PSMF1: variants seen among roughly 807,000 people sequenced by gnomAD.
PSMF1 encodes proteasome inhibitor PI31 subunit.
A neutral mutation model predicts 29.3 loss-of-function variants in PSMF1; 30 were observed. That is an observed-to-expected ratio of 1.02 (90% confidence interval 0.77 to 1.39). PSMF1 has a LOEUF of 1.39. Ranked by LOEUF, PSMF1 falls within the 40% of genes most tolerant of loss-of-function variation. PSMF1 has a pLI of 0.00. For synonymous variants in PSMF1, 134 were observed against 139.7 expected (o/e 0.96, Z 0.29); for missense variants, 344 against 357.5 (o/e 0.96, Z 0.31).
chr20:1,147,163 AT>A (rs1568476231), intron 4 of PSMF1, among the ~76,000 whole-genome samples: 6 of 134,108 alleles, frequency 4.5e-5, no homozygotes, highest in East Asian at 2.1e-4. Flanking sequence ...CATCATCATC[AT>A]CATCATCATC....
rs184601013 is a variant in PSMF1, at chr20:1,119,540, C to T, written c.129+638C>T. Among the ~76,000 whole-genome samples, 33 of 152,288 alleles carry T rather than the reference C, an allele frequency of 2.2e-4. No individual in the cohort carries two copies. In the East Asian group the frequency reaches 5.4e-3, roughly 25 times the overall value. ...GCAATCACCCCCAGAGTCGTACACA[C>T]ATACACCCTGGGTGTGAGGGTCATA... On this transcript the variant is annotated intron_variant, in intron 1 of 6. Coordinates refer to ENST00000335877, the MANE Select transcript of PSMF1 (RefSeq NM_006814.5).
rs1418792073 is a variant in PSMF1, at chr20:1,166,301, A to G, written c.*1221A>G. 2 of 1,581,782 alleles carry G rather than the reference A, an allele frequency of 1.3e-6. No individual in the cohort carries two copies. Among genetic ancestry groups the G allele is most frequent in the Admixed American group, 1.7e-5 (1 of 59,224 alleles). ...AAGAGCACGATAGAGCACCAGGCTAAGAGGCACGAGATCAAGGCGGTAGTC... is the reference window on the plus strand; with the variant it reads ...AAGAGCACGATAGAGCACCAGGCTAGGAGGCACGAGATCAAGGCGGTAGTC... On this transcript the variant is annotated 3_prime_UTR_variant, in exon 7 of 7. Coordinates refer to ENST00000335877, the MANE Select transcript of PSMF1 (RefSeq NM_006814.5).
chr20:1,164,978 T>G lies in PSMF1; in HGVS notation c.765-51T>G, dbSNP rs775963251. 6.7e-7 allele frequency: 1 copy of G among 1,494,822 alleles called. No individual in the cohort carries two copies. Among genetic ancestry groups the G allele is most frequent in the South Asian group, 1.1e-5 (1 of 88,530 alleles). The allele number at this position is 1,494,822 out of a possible 1,614,324, so 92.6% of individuals were successfully genotyped here. On this transcript the variant is annotated intron_variant, in intron 6 of 6. Coordinates refer to ENST00000335877, the MANE Select transcript of PSMF1 (RefSeq NM_006814.5). The surrounding 1 kb of genome is among the most constrained non-coding windows in gnomAD (Gnocchi z 4.1). ...AGTGCAGGGTCATGTCTGCCCATGTTCCCCTGGTCTCTCCATCACTCCAAC... is the reference window on the plus strand; with the variant it reads ...AGTGCAGGGTCATGTCTGCCCATGTGCCCCTGGTCTCTCCATCACTCCAAC...
chr20:1,148,812 T>C (rs1419079408), intron 4 of PSMF1, among the ~76,000 whole-genome samples: 5 of 152,182 alleles, frequency 3.3e-5, no homozygotes, highest in African/African-American at 1.2e-4. Flanking sequence ...GACCTCAAAC[T>C]TTATGTTCTC....
In PSMF1 at chr20:1,118,608, C is replaced by T; in HGVS notation, c.-166C>T. ...CGCTGTTGGGACTACTTCCGGCTTC[C>T]CCGCCCCGCCCCGTCCCCGGGCGTC... On this transcript the variant is annotated 5_prime_UTR_variant, in exon 1 of 7. Coordinates refer to ENST00000335877, the MANE Select transcript of PSMF1 (RefSeq NM_006814.5). 8.4e-6 allele frequency: 7 copies of T among 829,882 alleles called. No homozygotes were observed. Among genetic ancestry groups the T allele is most frequent in the Non-Finnish European group, 1.1e-5 (6 of 569,730 alleles). 51.4% of individuals were successfully genotyped at this position (829,882 alleles called of 1,614,324 possible). A position where few individuals can be genotyped will look rare whatever the true frequency, so the allele number is the denominator to read the frequency against.
At chr20:1,120,001 G>T (rs1467915494) in intron 1 of PSMF1, among the ~76,000 whole-genome samples, 1 of 151,894 alleles carries the variant, frequency 6.6e-6, no homozygotes, top group Non-Finnish European at 1.5e-5. Flanking sequence ...CTCCCCTCCT[G>T]ACATAGCTTT....
In PSMF1 at chr20:1,126,735, C is replaced by T. The variant is rs969742936; in HGVS notation, c.283-691C>T. On this transcript the variant is annotated intron_variant, in intron 2 of 6. Coordinates refer to ENST00000335877, the MANE Select transcript of PSMF1 (RefSeq NM_006814.5). ...ACTAAAAATATTTTTAAACCTTAGC[C>T]GGGCGTGGTCGTGGGTGCCTGTAAT... 8.6e-5 allele frequency among the ~76,000 whole-genome samples: 13 copies of T among 151,972 alleles called. No individual in the cohort carries two copies. In the East Asian group the frequency reaches 2.3e-3, roughly 27 times the overall value.
intron 4 of PSMF1, among the ~76,000 whole-genome samples, chr20:1,162,476 G>C (rs193253263): frequency 6.6e-6 from 1 of 152,250 alleles, no homozygotes; most frequent in Admixed American, 6.5e-5. Context: ...ATATTACAGA[G>C]ATAATATAGA....
intron 1 of PSMF1, among the ~76,000 whole-genome samples, chr20:1,124,618 CAAAT>C (rs1271893910): frequency 6.6e-6 from 1 of 152,094 alleles, no homozygotes; most frequent in Non-Finnish European, 1.5e-5. Flanking sequence ...AATAGCAAAA[CAAAT>C]AAGCTGGAAA....
At chr20:1,153,637 T>C (rs1568479657) in intron 4 of PSMF1, among the ~76,000 whole-genome samples, 1 of 152,156 alleles carries the variant, frequency 6.6e-6, no homozygotes, top group Non-Finnish European at 1.5e-5. Flanking sequence ...TGAGAGGGGA[T>C]CGAATTCCAT....
chr20:1,133,248 G>A (rs4553882), intron 3 of PSMF1, among the ~76,000 whole-genome samples: 17,367 of 150,912 alleles, frequency 0.12, 1,102 homozygotes, highest in African/African-American at 0.15. Context: ...TCAGGTTAAA[G>A]AAGTTCCCCT....
chr20:1,166,243 C>T lies in PSMF1; in HGVS notation c.*1163C>T, dbSNP rs139266521. ...CCTTTTCAGCCCGAGGCCTGACAGA[C>T]GCGGGCAGTGATGAGCCCTGTTCTG... On this transcript the variant is annotated 3_prime_UTR_variant, in exon 7 of 7. Transcript: ENST00000335877. 8.1e-6 allele frequency: 13 copies of T among 1,612,446 alleles called. 1 individual carries two copies. The highest frequency in any genetic ancestry group is 5.5e-5 in the South Asian group (5 of 90,920).
rs1179895758 is a variant in PSMF1 at position 1,163,546 on chromosome 20, C to T, written c.605+363C>T. 6.6e-6 allele frequency among the ~76,000 whole-genome samples: 1 copy of T among 152,236 alleles called. No individual in the cohort carries two copies. The highest frequency in any genetic ancestry group is 1.5e-5 in the Non-Finnish European group (1 of 68,044). ...CTTAATAAAGGGAGTCTCTGAGCCC[C>T]ATTAGACTCTGGATGGTTCTTATGC... is the stretch of plus-strand genomic sequence containing the variant. On this transcript the variant is annotated intron_variant, in intron 5 of 6. Transcript: ENST00000335877. This position sits in a 1 kb window ranked among gnomAD's most constrained non-coding sequence, Gnocchi z 6.1.
At chr20:1,155,513 T>C (rs1260928233) in intron 4 of PSMF1, among the ~76,000 whole-genome samples, 1 of 152,134 alleles carries the variant, frequency 6.6e-6, no homozygotes, top group Non-Finnish European at 1.5e-5. Flanking sequence ...AGCTTTCTGC[T>C]CAGAGGACCC....
chr20:1,133,569 A>ATATATATATATATATATATTTTTT, intron 3 of PSMF1, among the ~76,000 whole-genome samples: 25 of 53,280 alleles, frequency 4.7e-4, no homozygotes, highest in Admixed American at 7.8e-4. Flanking sequence ...ATATATATAT[A>ATATATATATATATATATATTTTTT]TTTTTTTTTT....
chr20:1,126,265 G>C (rs7263777), intron 2 of PSMF1, among the ~76,000 whole-genome samples: 4,231 of 152,278 alleles, frequency 0.028, 178 homozygotes, highest in African/African-American at 0.096. Context: ...GACTATAAGT[G>C]CCACAAGGAC....
chr20:1,171,698 C>T lies in PSMF1; in HGVS notation c.*6618C>T, dbSNP rs903709736. 1.3e-5 allele frequency among the ~76,000 whole-genome samples: 2 copies of T among 152,200 alleles called. No homozygotes were observed. The highest frequency in any genetic ancestry group is 2.1e-4 in the South Asian group (1 of 4,832). ...GGTCAGCGCCCAGCCTCCCTAAAGC[C>T]GCTGGAGGAGGCCTTTGGAGCCAGC... is the stretch of plus-strand genomic sequence containing the variant. On this transcript the variant is annotated 3_prime_UTR_variant, in exon 7 of 7. Coordinates refer to ENST00000335877, the MANE Select transcript of PSMF1 (RefSeq NM_006814.5).
In PSMF1 at chr20:1,163,048, C is replaced by T. The variant is rs1555765988; in HGVS notation, c.552-82C>T. 33 of 1,490,660 alleles carry T rather than the reference C, an allele frequency of 2.2e-5. No homozygotes were observed. The South Asian group carries it at 3.3e-4, about 15-fold the overall frequency. 92.3% of individuals were successfully genotyped at this position (1,490,660 alleles called of 1,614,324 possible). A position where few individuals can be genotyped will look rare whatever the true frequency, so the allele number is the denominator to read the frequency against. On this transcript the variant is annotated intron_variant, in intron 4 of 6. Coordinates refer to ENST00000335877, the MANE Select transcript of PSMF1 (RefSeq NM_006814.5). The surrounding 1 kb of genome is among the most constrained non-coding windows in gnomAD (Gnocchi z 6.1). Reference sequence around the variant, plus strand: ...GGTCTCATGCAAGGGTTTCCCATGCCTGTGAGTGTGTTTGTGATCCCACAT... The same window carrying T: ...GGTCTCATGCAAGGGTTTCCCATGCTTGTGAGTGTGTTTGTGATCCCACAT...
rs566392775 is a variant in PSMF1 at position 1,171,214 on chromosome 20, C to A, written c.*6134C>A. ...TCATGCTCCTGAGTACCTCCACCTGCAGCCACAGTGCCCAGAGCACCTGGT... is the reference window on the plus strand; with the variant it reads ...TCATGCTCCTGAGTACCTCCACCTGAAGCCACAGTGCCCAGAGCACCTGGT... On this transcript the variant is annotated 3_prime_UTR_variant, in exon 7 of 7. Transcript: ENST00000335877. Among the ~76,000 whole-genome samples the A allele has an allele frequency of 5.9e-5, 9 of 152,324 alleles. No homozygotes were observed. In the South Asian group the frequency reaches 1.9e-3, roughly 32 times the overall value.
Sources: allele counts gnomAD v4.1 joint callset (sites outside exome capture counted in the v4.1 genomes callset), GRCh38; gene constraint gnomAD v4.1.1; non-coding constraint Gnocchi (gnomAD v3.1); transcripts MANE v1.5; gene names NCBI Gene and HGNC (gene_info 2026-07-23, HGNC 2026-07-21).